The following ZNF84 variants were observed in gnomAD, a reference collection of about 807,000 sequenced individuals.
The protein encoded by ZNF84 is zinc finger protein 84, also known as zinc finger protein HPF2.
In ZNF84, 12 loss-of-function variants were observed where a neutral mutation model predicts 14.8. The observed-to-expected ratio is 0.81, with a 90% CI of 0.52 to 1.31. The LOEUF is 1.31. Ranked by LOEUF, ZNF84 falls within the 50% of genes most tolerant of loss-of-function variation. The probability of loss-of-function intolerance (pLI) is 0.00; values close to 1 mark genes in which losing one functional copy is unlikely to be tolerated. For missense variants in ZNF84, 859 were observed against 878.6 expected (o/e 0.98, Z 0.28); for synonymous variants, 347 against 291.1 (o/e 1.19, Z -1.96).
intron 4 of ZNF84, among the ~76,000 whole-genome samples, chr12:133,055,672 A>G (rs1318798506): frequency 1.3e-5 from 2 of 152,238 alleles, no homozygotes; most frequent in Non-Finnish European, 2.9e-5. Context: ...ATATGATACA[A>G]TATTACTTGA....
At chr12:133,049,428 G>GT (rs1328612390) in intron 4 of ZNF84, among the ~76,000 whole-genome samples, 2 of 151,744 alleles carry the variant, frequency 1.3e-5, no homozygotes, top group African/African-American at 4.8e-5. Context: ...GTTCCTTTGT[G>GT]TTTTTTTCTA....
In ZNF84 at chr12:133,063,239, G is replaced by A. The variant is rs994147287; in HGVS notation, c.*4307G>A. 23 of 702,198 alleles carry A rather than the reference G, an allele frequency of 3.3e-5. No individual in the cohort carries two copies. The highest frequency in any genetic ancestry group is 6.0e-5 in the Non-Finnish European group (23 of 384,834). 43.5% of individuals were successfully genotyped at this position (702,198 alleles called of 1,614,324 possible). On this transcript the variant is annotated 3_prime_UTR_variant, in exon 5 of 5. Coordinates refer to ENST00000539354, the MANE Select transcript of ZNF84 (RefSeq NM_001289971.2). Reference sequence around the variant, plus strand: ...TCCACCTCTGCCCTTTTCATGTCTTGATTGTTGAATTCTTCTGTGAGATAC... The same window carrying A: ...TCCACCTCTGCCCTTTTCATGTCTTAATTGTTGAATTCTTCTGTGAGATAC...
Position 133,057,753 on chromosome 12 carries a change from T to C in ZNF84, c.1038T>C (p.Pro346=). ...NHQRIHTGEK[P]FECRECGKAF... is the part of the protein sequence containing the mutation. ...AGAGAATTCATACCGGTGAGAAGCCTTTTGAATGCAGGGAATGTGGGAAAG... is the reference window on the plus strand; with the variant it reads ...AGAGAATTCATACCGGTGAGAAGCCCTTTGAATGCAGGGAATGTGGGAAAG... Residue 346 remains proline, a synonymous_variant, in exon 5 of 5, where the codon CCT becomes CCC. Coordinates refer to ENST00000539354, the MANE Select transcript of ZNF84 (RefSeq NM_001289971.2). The C allele has an allele frequency of 6.2e-7, 1 of 1,614,018 alleles. No individual in the cohort carries two copies. Among genetic ancestry groups the C allele is most frequent in the East Asian group, 2.2e-5 (1 of 44,874 alleles).
At chr12:133,046,270 T>C (rs58568084) in intron 2 of ZNF84, among the ~76,000 whole-genome samples, 3,193 of 151,428 alleles carry the variant, frequency 0.021, 127 homozygotes, top group African/African-American at 0.074. Context: ...AGCCCCACTG[T>C]GGCCTTTAAT....
chr12:133,058,970 G>T lies in ZNF84; in HGVS notation c.*38G>T. ...TAGTAGTCTTTGACAGATCATCTTG[G>T]ACTTCAGGAAATGCAATTATGATAA... is the stretch of plus-strand genomic sequence containing the variant. On this transcript the variant is annotated 3_prime_UTR_variant, in exon 5 of 5. Coordinates refer to ENST00000539354, the MANE Select transcript of ZNF84 (RefSeq NM_001289971.2). The T allele has an allele frequency of 1.3e-6, 2 of 1,521,602 alleles. No homozygotes were observed. Among genetic ancestry groups the T allele is most frequent in the Non-Finnish European group, 1.8e-6 (2 of 1,139,132 alleles). 94.3% of individuals were successfully genotyped at this position (1,521,602 alleles called of 1,614,324 possible).
intron 2 of ZNF84, chr12:133,047,721 C>A: frequency 2.8e-6 from 1 of 361,102 alleles, no homozygotes; most frequent in Non-Finnish European, 5.3e-6. Flanking sequence ...TGTTCCCAAA[C>A]AAACATCATT....
Position 133,057,824 on chromosome 12 carries a change from C to CA in ZNF84, c.1110dup (p.Gly371ArgfsTer8). ...CTCGTTACACATCACAGAACTCACA[C>CA]AGGAACAAAACCCTTTGGATGTAGT... On this transcript the variant is annotated frameshift_variant, in exon 5 of 5. Transcript: ENST00000539354. LOFTEE classifies it low-confidence loss of function (END_TRUNC). 1 of 1,614,080 alleles carries CA rather than the reference C, an allele frequency of 6.2e-7. No homozygotes were observed. Among genetic ancestry groups the CA allele is most frequent in the Non-Finnish European group, 8.5e-7 (1 of 1,180,032 alleles).
rs946016330 is a variant in ZNF84, at chr12:133,062,928, A to G, written c.*3996A>G. ...CTTGTTCCTTGTTAATGCCTATTGAATCTATATGAACCTGTACGTGTGTTT... is the reference window on the plus strand; with the variant it reads ...CTTGTTCCTTGTTAATGCCTATTGAGTCTATATGAACCTGTACGTGTGTTT... On this transcript the variant is annotated 3_prime_UTR_variant, in exon 5 of 5. Transcript: ENST00000539354. 7.3e-5 allele frequency: 42 copies of G among 576,858 alleles called. No homozygotes were observed. The African/African-American group carries it at 7.4e-4, about 10-fold the overall frequency. The allele number at this position is 576,858 out of a possible 1,614,324, so 35.7% of individuals were successfully genotyped here.
At chr12:133,049,375 C>T (rs903951110) in intron 4 of ZNF84, among the ~76,000 whole-genome samples, 7 of 152,054 alleles carry the variant, frequency 4.6e-5, no homozygotes, top group African/African-American at 7.2e-5. Context: ...AAAATGGAGC[C>T]GTCATTTCTC....
Position 133,058,533 on chromosome 12 carries a change from AG to A in ZNF84, c.1819del (p.Ala607LeufsTer8). 6.2e-7 allele frequency: 1 copy of A among 1,614,066 alleles called. No homozygotes were observed. The highest frequency in any genetic ancestry group is 8.5e-7 in the Non-Finnish European group (1 of 1,179,988). ...CCTATGAATGCAGTCTTTGTAGGAA[AG>A]CTTTTTTTGAGAAGTCGGAGCTAAT... ...KPYECSLCRK[A>X]FFEKSELIRH... On this transcript the variant is annotated frameshift_variant, in exon 5 of 5. Transcript: ENST00000539354. LOFTEE classifies it low-confidence loss of function (END_TRUNC).
Position 133,063,239 on chromosome 12 carries a change from G to C in ZNF84, c.*4307G>C, listed in dbSNP as rs994147287. The C allele has an allele frequency of 1.0e-5, 7 of 702,316 alleles. No individual in the cohort carries two copies. Among genetic ancestry groups the C allele is most frequent in the East Asian group, 8.0e-5 (3 of 37,280 alleles). 43.5% of individuals were successfully genotyped at this position (702,316 alleles called of 1,614,324 possible). ...TCCACCTCTGCCCTTTTCATGTCTTGATTGTTGAATTCTTCTGTGAGATAC... is the reference window on the plus strand; with the variant it reads ...TCCACCTCTGCCCTTTTCATGTCTTCATTGTTGAATTCTTCTGTGAGATAC... On this transcript the variant is annotated 3_prime_UTR_variant, in exon 5 of 5. Coordinates refer to ENST00000539354, the MANE Select transcript of ZNF84 (RefSeq NM_001289971.2).
At position 133,063,068 on chromosome 12, in the gene ZNF84, T is replaced by C; in HGVS notation, c.*4136T>C. On this transcript the variant is annotated 3_prime_UTR_variant, in exon 5 of 5. Transcript: ENST00000539354. ...TTTTGCATCACAAGCTATATTTAAA[T>C]GTGGGTGCAGTGAGTGGCTGTTTTC... is the stretch of plus-strand genomic sequence containing the variant. 5 of 701,280 alleles carry C rather than the reference T, an allele frequency of 7.1e-6. No homozygotes were observed. The highest frequency in any genetic ancestry group is 5.9e-5 in the South Asian group (4 of 67,580). The allele number at this position is 701,280 out of a possible 1,614,324, so 43.4% of individuals were successfully genotyped here.
chr12:133,041,952 C>A (rs1953896364), intron 2 of ZNF84, among the ~76,000 whole-genome samples: 1 of 152,088 alleles, frequency 6.6e-6, no homozygotes, highest in Admixed American at 6.6e-5. Context: ...TTCCAATTTC[C>A]CATGGTTTGA....
chr12:133,058,658 T>C lies in ZNF84; in HGVS notation c.1943T>C (p.Ile648Thr). The change falls in exon 5 of 5, where the codon ATA becomes ACA. Residue 648 changes from isoleucine to threonine, a missense_variant. Ile to Thr is a moderately conservative substitution (Grantham distance 89). Transcript: ENST00000539354. ...EKSSLINHQR[I>T]HTGEKPFECS... ...TCAAGTCTCATCAATCATCAGAGAA[T>C]ACATACAGGAGAGAAGCCTTTTGAA... is the stretch of plus-strand genomic sequence containing the variant. 6.2e-7 allele frequency: 1 copy of C among 1,613,884 alleles called. No homozygotes were observed. Among genetic ancestry groups the C allele is most frequent in the Non-Finnish European group, 8.5e-7 (1 of 1,179,944 alleles).
Position 133,058,068 on chromosome 12 carries a change from GACAC to G in ZNF84, c.1359_1362del (p.His453GlnfsTer47). On this transcript the variant is annotated frameshift_variant, in exon 5 of 5. Coordinates refer to ENST00000539354, the MANE Select transcript of ZNF84 (RefSeq NM_001289971.2). LOFTEE classifies it low-confidence loss of function (END_TRUNC). ...AGTCACATCTCATATCACATCAGATGACACACACAGGAGAAAAACCCTTTATATG... is the reference window on the plus strand; with the variant it reads ...AGTCACATCTCATATCACATCAGATGACACAGGAGAAAAACCCTTTATATG... 1 of 1,612,220 alleles carries G rather than the reference GACAC, an allele frequency of 6.2e-7. No individual in the cohort carries two copies.
intron 4 of ZNF84, 78 bp downstream of exon 4, chr12:133,048,926 G>A: frequency 1.7e-6 from 2 of 1,188,466 alleles, no homozygotes; most frequent in African/African-American, 1.5e-5. Flanking sequence ...GGGCTAGTCA[G>A]TGATGGGTGG....
chr12:133,058,397 A>G lies in ZNF84; in HGVS notation c.1682A>G (p.His561Arg). 1 of 1,614,150 alleles carries G rather than the reference A, an allele frequency of 6.2e-7. No homozygotes were observed. The highest frequency in any genetic ancestry group is 8.5e-7 in the Non-Finnish European group (1 of 1,180,018). Reference sequence around the variant, plus strand: ...GGTGAGAAGTCAAGTCTTGCAACTCATCAGAGAACTCATACTGGAGAAAAA... The same window carrying G: ...GGTGAGAAGTCAAGTCTTGCAACTCGTCAGAGAACTCATACTGGAGAAAAA... Reference protein sequence around the residue: ...AFGEKSSLATHQRTHTGEKPY... With the variant: ...AFGEKSSLATRQRTHTGEKPY... The change falls in exon 5 of 5, where the codon CAT becomes CGT. Residue 561 changes from histidine (H) to arginine (R), a missense_variant. Coordinates refer to ENST00000539354, the MANE Select transcript of ZNF84 (RefSeq NM_001289971.2).
intron 4 of ZNF84, among the ~76,000 whole-genome samples, chr12:133,054,683 A>G (rs1452902622): frequency 2.7e-5 from 4 of 150,782 alleles, no homozygotes; most frequent in Non-Finnish European, 5.9e-5. Context: ...ACATAAACAT[A>G]TATCAAAATA....
intron 2 of ZNF84, 99 bp downstream of exon 2, chr12:133,041,581 A>G: frequency 1.6e-6 from 2 of 1,253,602 alleles, no homozygotes; most frequent in Non-Finnish European, 2.3e-6. Flanking sequence ...AAGAAATCAG[A>G]GGAAAATAGC....
Sources: gnomAD v4.1 joint callset for allele counts (sites outside exome capture counted in the v4.1 genomes callset) on GRCh38, gnomAD v4.1.1 for gene constraint, MANE v1.5 for transcripts, NCBI Gene and HGNC (gene_info 2026-07-23, HGNC 2026-07-21) for gene names.